The following CHD7 variants were observed in gnomAD, a reference collection of about 807,000 sequenced individuals.
CHD7 encodes chromodomain helicase DNA binding protein 7.
Under a neutral mutation model 307.3 loss-of-function variants are expected in CHD7, and 24 were observed. The observed-to-expected ratio is 0.08, with a 90% confidence interval of 0.06 to 0.11. The LOEUF (loss-of-function observed/expected upper bound fraction) is 0.11, where lower values mean the gene tolerates loss of function less well. CHD7 is among the 10% of genes least tolerant of loss of function. The pLI is 1.00. For missense variants in CHD7, 3,106 were observed against 3,727.1 expected (o/e 0.83, Z 4.34); for synonymous variants, 1,363 against 1,349.9 (o/e 1.01, Z -0.21).
rs780606140 is a variant in CHD7 at position 60,853,322 on chromosome 8, C to T, written c.6597C>T (p.Ser2199=). The change falls in exon 31 of 38, where the codon AGC becomes AGT. Residue 2199 remains serine, a synonymous_variant. Coordinates refer to ENST00000423902, the MANE Select transcript of CHD7 (RefSeq NM_017780.4). ...AAGAGGAAGAAGAAACCGATGGCAG[C>T]GGGAAGGAGAGCAAGCAGGAATGTG... ...GKEEEEETDG[S]GKESKQECEA... is the part of the protein sequence containing the mutation. The T allele has an allele frequency of 9.4e-6, 15 of 1,599,234 alleles. No individual in the cohort carries two copies. Among genetic ancestry groups the T allele is most frequent in the South Asian group, 1.1e-5 (1 of 89,482 alleles).
intron 3 of CHD7, among the ~76,000 whole-genome samples, chr8:60,782,857 T>G (rs1811320805): frequency 6.6e-6 from 1 of 152,150 alleles, no homozygotes. Flanking sequence ...TGAGGTAGTT[T>G]AAAAAATAAG....
Position 60,856,572 on chromosome 8 carries a change from A to G in CHD7, c.7292A>G (p.Gln2431Arg). 1.2e-6 allele frequency: 2 copies of G among 1,614,052 alleles called. No individual in the cohort carries two copies. The highest frequency in any genetic ancestry group is 2.2e-5 in the South Asian group (2 of 91,078). Residue 2431 changes from glutamine (Q) to arginine (R), a missense_variant, in exon 34 of 38, where the codon CAG becomes CGG. Around this residue, in one of 10 missense-constraint regions of CHD7, gnomAD observed 1,030 missense variants for 1,165.4 expected, o/e 0.88. Transcript: ENST00000423902. ...MEMVAQLRES[Q>R]VVSENGQEKV... The stretch of plus-strand genomic sequence containing the variant: ...ATGGTTGCCCAGCTTCGAGAGTCTC[A>G]GGTGGTCTCAGAAAATGGACAAGAA...
intron 2 of CHD7, among the ~76,000 whole-genome samples, chr8:60,755,351 C>A (rs1252531333): frequency 6.6e-6 from 1 of 151,884 alleles, no homozygotes; most frequent in Non-Finnish European, 1.5e-5. Flanking sequence ...AACACCATTG[C>A]CATTTTTTTT....
At chr8:60,833,185 G>T (rs2150770324) in intron 15 of CHD7, among the ~76,000 whole-genome samples, 1 of 152,312 alleles carries the variant, frequency 6.6e-6, no homozygotes, top group Admixed American at 6.5e-5. Context: ...GGTTGTGGCA[G>T]AGTAAAGAAG....
intron 4 of CHD7, among the ~76,000 whole-genome samples, chr8:60,798,657 C>T (rs1056568645): frequency 1.3e-5 from 2 of 152,246 alleles, no homozygotes; most frequent in South Asian, 2.1e-4. Flanking sequence ...CTTTAACATT[C>T]TTGAGACTCT....
At chr8:60,853,784 A>G (rs756529554) in intron 31 of CHD7, among the ~76,000 whole-genome samples, 7 of 152,246 alleles carry the variant, frequency 4.6e-5, no homozygotes, top group South Asian at 2.1e-4. Flanking sequence ...GTGACAGTGT[A>G]TTAAGAATTC....
Position 60,741,457 on chromosome 8 carries a change from C to G in CHD7, c.25C>G (p.Leu9Val). The G allele has an allele frequency of 1.2e-6, 2 of 1,609,038 alleles. No homozygotes were observed. Among genetic ancestry groups the G allele is most frequent in the Non-Finnish European group, 1.7e-6 (2 of 1,177,482 alleles). The change falls in exon 2 of 38, where the codon CTT becomes GTT. Residue 9 changes from leucine (L) to valine (V), a missense_variant. Transcript: ENST00000423902. MADPGMMS[L>V]FGEDGNIFSE... The stretch of plus-strand genomic sequence containing the variant: ...GATGGCAGATCCAGGAATGATGAGT[C>G]TTTTTGGCGAGGATGGGAATATTTT...
chr8:60,833,161 T>C (rs1171200233), intron 15 of CHD7, among the ~76,000 whole-genome samples: 2 of 152,192 alleles, frequency 1.3e-5, no homozygotes, highest in African/African-American at 2.4e-5. Context: ...GGAGATTACA[T>C]TGAAATTTGA....
intron 1 of CHD7, among the ~76,000 whole-genome samples, chr8:60,715,287 A>G (rs1006934544): frequency 6.7e-6 from 1 of 150,142 alleles, no homozygotes; most frequent in Non-Finnish European, 1.5e-5. Context: ...TCAGACACCA[A>G]CTCAGGGAGG....
chr8:60,697,055 A>T (rs572733363), intron 1 of CHD7, among the ~76,000 whole-genome samples: 1 of 152,286 alleles, frequency 6.6e-6, no homozygotes, highest in South Asian at 2.1e-4. Context: ...TAGCTCTCAG[A>T]TTTCAGACCG....
chr8:60,788,570 C>G (rs1430120834), intron 3 of CHD7, among the ~76,000 whole-genome samples: 1 of 152,170 alleles, frequency 6.6e-6, no homozygotes, highest in African/African-American at 2.4e-5. Flanking sequence ...CTTTCTTTTT[C>G]AACTAGAAGA....
At chr8:60,801,027 T>C (rs1812285367) in intron 5 of CHD7, among the ~76,000 whole-genome samples, 1 of 152,250 alleles carries the variant, frequency 6.6e-6, no homozygotes, top group African/African-American at 2.4e-5. Flanking sequence ...GTAAAGATCT[T>C]TTCTAAAAAA....
In CHD7 at chr8:60,822,159, G is replaced by C. The variant is rs988595156; in HGVS notation, c.2957+14G>C. ...TTGGTACAACATGTATGTAAAACAA[G>C]TTTTTCTTCACTTTTAAATATATCT... On this transcript the variant is annotated intron_variant, in intron 11 of 37. Transcript: ENST00000423902. 6.3e-7 allele frequency: 1 copy of C among 1,594,504 alleles called. No homozygotes were observed. Among genetic ancestry groups the C allele is most frequent in the Non-Finnish European group, 8.5e-7 (1 of 1,171,594 alleles).
chr8:60,691,485 AC>A (rs1390721418), intron 1 of CHD7, among the ~76,000 whole-genome samples: 1 of 152,158 alleles, frequency 6.6e-6, no homozygotes, highest in African/African-American at 2.4e-5. Context: ...CGTGTAAGGA[AC>A]CCCCATCCTC....
At chr8:60,844,788 G>A (rs1013538676) in intron 21 of CHD7, 76 bp from the exon 22 acceptor site, 5 of 1,272,172 alleles carry the variant, frequency 3.9e-6, no homozygotes, top group Admixed American at 2.5e-5. Context: ...ATTTCCCAAC[G>A]CTGGTACCTG....
chr8:60,724,182 C>G (rs538537222), intron 1 of CHD7, among the ~76,000 whole-genome samples: 1 of 152,312 alleles, frequency 6.6e-6, no homozygotes, highest in Non-Finnish European at 1.5e-5. Flanking sequence ...GCCTTCCTGT[C>G]CCTTTCAGCC....
intron 13 of CHD7, among the ~76,000 whole-genome samples, chr8:60,826,311 T>G: frequency 6.6e-6 from 1 of 152,346 alleles, no homozygotes; most frequent in East Asian, 1.9e-4. Flanking sequence ...ATTTTTCTAA[T>G]GATGAAGAAT....
At chr8:60,791,345 C>T (rs1459111951) in intron 3 of CHD7, among the ~76,000 whole-genome samples, 2 of 152,198 alleles carry the variant, frequency 1.3e-5, no homozygotes, top group Admixed American at 6.5e-5. Context: ...ATGTGGCTGT[C>T]GGCTTGAGCT....
At chr8:60,776,672 ACC>A (rs1810969204) in intron 2 of CHD7, among the ~76,000 whole-genome samples, 1 of 152,220 alleles carries the variant, frequency 6.6e-6, no homozygotes, top group Non-Finnish European at 1.5e-5. Flanking sequence ...GGTACTAGAT[ACC>A]AAATGCATCT....
Sources: gnomAD v4.1 joint callset for allele counts (sites outside exome capture counted in the v4.1 genomes callset) on GRCh38, gnomAD v4.1.1 for gene constraint, gnomAD v4.1.1 regional missense constraint, MANE v1.5 for transcripts, NCBI Gene and HGNC (gene_info 2026-07-23, HGNC 2026-07-21) for gene names.